The following PLA2G7 variants were observed in gnomAD, a reference collection of about 807,000 sequenced individuals.
PLA2G7 encodes platelet-activating factor acetylhydrolase.
PLA2G7 carries 63 observed loss-of-function variants against 49.6 expected under a neutral mutation model. That is an observed-to-expected ratio of 1.27 (90% CI 1.04 to 1.57). The LOEUF is 1.57. PLA2G7 is among the 40% of genes most tolerant of loss of function. The probability of loss-of-function intolerance (pLI) is 0.00; values close to 1 mark genes in which losing one functional copy is unlikely to be tolerated. For missense variants in PLA2G7, 596 were observed against 521.2 expected (o/e 1.14, Z -1.40); for synonymous variants, 193 against 169.9 (o/e 1.14, Z -1.06).
At chr6:46,734,710 C>T (rs1170134103) in intron 1 of PLA2G7, among the ~76,000 whole-genome samples, 1 of 151,894 alleles carries the variant, frequency 6.6e-6, no homozygotes, top group Non-Finnish European at 1.5e-5. Context: ...GCAGTCCCAG[C>T]TACTCGGGAA....
intron 1 of PLA2G7, among the ~76,000 whole-genome samples, chr6:46,731,439 A>AT (rs906572677): frequency 3.9e-5 from 6 of 151,988 alleles, no homozygotes; most frequent in Non-Finnish European, 8.8e-5. Context: ...TGTCCAAAAT[A>AT]TTTTTTTCCC....
chr6:46,732,744 C>T lies in PLA2G7; in HGVS notation c.-35+2436G>A, dbSNP rs370754314. ...GCCTGTTTCTGTTAGTGTTGAGTCA[C>T]GCCCATAAAATTGAGCAAAATGACA... On this transcript the variant is annotated intron_variant, in intron 1 of 11. Transcript: ENST00000274793. Among the ~76,000 whole-genome samples the T allele has an allele frequency of 1.1e-4, 17 of 152,232 alleles. No individual in the cohort carries two copies. In the East Asian group the frequency reaches 1.7e-3, roughly 16 times the overall value.
At position 46,704,563 on chromosome 6, in the gene PLA2G7, A is replaced by C. The variant is rs1764732661; in HGVS notation, c.1323T>G (p.Asn441Lys). Residue 441 changes from asparagine (N) to lysine (K), a missense_variant, in exon 12 of 12, where the codon AAT becomes AAG. Asn to Lys is a moderately conservative substitution (Grantham distance 94). Coordinates refer to ENST00000274793, the MANE Select transcript of PLA2G7 (RefSeq NM_005084.4). ...TTTTAAAAAACCTATTTTAATCCTA[A>C]TTGTATTTCTCTATTCCTGAAGAGT... ...LQNSSGIEKY[N>K] 6.3e-7 allele frequency: 1 copy of C among 1,579,426 alleles called. No individual in the cohort carries two copies. Among genetic ancestry groups the C allele is most frequent in the Non-Finnish European group, 8.7e-7 (1 of 1,150,304 alleles).
intron 2 of PLA2G7, among the ~76,000 whole-genome samples, chr6:46,722,076 A>G (rs1180033327): frequency 1.3e-5 from 2 of 152,152 alleles, no homozygotes; most frequent in African/African-American, 4.8e-5. Flanking sequence ...TCTTTTTCCA[A>G]TTAAGGTCTC....
rs759462784 is a variant in PLA2G7, at chr6:46,704,632, T to C, written c.1254A>G (p.Pro418=). Residue 418 remains proline (P), a synonymous_variant, in exon 12 of 12, where the codon CCA becomes CCG. Coordinates refer to ENST00000274793, the MANE Select transcript of PLA2G7 (RefSeq NM_005084.4). ...LIEGDDENLI[P]GTNINTTNQH... is the part of the protein sequence containing the mutation. ...GATTGGTTGTGTTAATGTTGGTCCC[T>C]GGAATAAGATTCTCATCATCTCCTT... The C allele has an allele frequency of 1.3e-6, 2 of 1,581,004 alleles. No homozygotes were observed. Among genetic ancestry groups the C allele is most frequent in the South Asian group, 2.2e-5 (2 of 90,484 alleles).
At chr6:46,707,875 T>C (rs941263930) in intron 10 of PLA2G7, 116 bp downstream of exon 10, 4 of 664,140 alleles carry the variant, frequency 6.0e-6, no homozygotes, top group African/African-American at 3.6e-5. Flanking sequence ...TCTCTCCTTA[T>C]TGAAAGTCTA....
chr6:46,716,629 G>T, intron 3 of PLA2G7, 101 bp from the exon 4 acceptor site: 1 of 1,215,306 alleles, frequency 8.2e-7, no homozygotes. Flanking sequence ...AAATACCTCT[G>T]TGTTCACAAA....
intron 11 of PLA2G7, 95 bp downstream of exon 11, chr6:46,705,058 T>G (rs1401793214): frequency 1.0e-6 from 1 of 953,064 alleles, no homozygotes; most frequent in Non-Finnish European, 1.7e-6. Flanking sequence ...GTAAACCAAC[T>G]GGAAATAGTT....
intron 2 of PLA2G7, among the ~76,000 whole-genome samples, chr6:46,722,486 G>T (rs1254629962): frequency 6.6e-6 from 1 of 152,132 alleles, no homozygotes; most frequent in Non-Finnish European, 1.5e-5. Context: ...AGAGAGAGAA[G>T]GGGTGGCATT....
intron 4 of PLA2G7, among the ~76,000 whole-genome samples, chr6:46,714,822 G>A (rs1033735525): frequency 6.8e-6 from 1 of 147,626 alleles, no homozygotes; most frequent in African/African-American, 2.5e-5. Context: ...TGCAAACTCT[G>A]CCTCCCGGGT....
intron 2 of PLA2G7, among the ~76,000 whole-genome samples, chr6:46,722,482 A>G (rs1765430378): frequency 6.6e-6 from 1 of 152,114 alleles, no homozygotes. Flanking sequence ...AGTCAGAGAG[A>G]GAAGGGGTGG....
Position 46,704,404 on chromosome 6 carries a change from T to G in PLA2G7, c.*156A>C. ...AATCACGATTACAGTATAGCCTACA[T>G]TTTAAAATATGAGTCCTTTGGGAAA... is the stretch of plus-strand genomic sequence containing the variant. On this transcript the variant is annotated 3_prime_UTR_variant, in exon 12 of 12. Transcript: ENST00000274793. The G allele has an allele frequency of 1.7e-5, 11 of 642,590 alleles. No homozygotes were observed. The highest frequency in any genetic ancestry group is 2.8e-5 in the East Asian group (1 of 35,558). The allele number at this position is 642,590 out of a possible 1,614,324, so 39.8% of individuals were successfully genotyped here. A position where few individuals can be genotyped will look rare whatever the true frequency, so the allele number is the denominator to read the frequency against.
chr6:46,717,748 T>C (rs1167359954), intron 2 of PLA2G7, among the ~76,000 whole-genome samples: 1 of 146,724 alleles, frequency 6.8e-6, no homozygotes, highest in East Asian at 2.1e-4. Context: ...AGTCTCACCG[T>C]GTTGCCAGGC....
chr6:46,712,190 A>G lies in PLA2G7; in HGVS notation c.539+79T>C, dbSNP rs909314322. 8 of 939,248 alleles carry G rather than the reference A, an allele frequency of 8.5e-6. No homozygotes were observed. In the African/African-American group the frequency reaches 9.7e-5, roughly 11 times the overall value. The allele number at this position is 939,248 out of a possible 1,614,324, so 58.2% of individuals were successfully genotyped here. ...CCATCAACATTTTAAATAAACTTTT[A>G]TGAAAATTAGAAACATAGTTATGAG... On this transcript the variant is annotated intron_variant, in intron 6 of 11. Transcript: ENST00000274793.
chr6:46,711,414 G>T, intron 7 of PLA2G7, 82 bp downstream of exon 7: 1 of 1,456,428 alleles, frequency 6.9e-7, no homozygotes, highest in Non-Finnish European at 9.6e-7. Flanking sequence ...TAACTTGCCA[G>T]GTGTAAAATT....
intron 1 of PLA2G7, among the ~76,000 whole-genome samples, chr6:46,723,635 T>C (rs1282793373): frequency 6.6e-6 from 1 of 152,210 alleles, no homozygotes. Context: ...TGCATCCATT[T>C]TCCCCCCTAA....
chr6:46,706,847 C>A (rs1764846782), intron 10 of PLA2G7, among the ~76,000 whole-genome samples: 2 of 152,162 alleles, frequency 1.3e-5, no homozygotes, highest in Admixed American at 1.3e-4. Context: ...CCTGAAATAC[C>A]TAAACCCTTC....
At chr6:46,720,486 G>C (rs1765359877) in intron 2 of PLA2G7, among the ~76,000 whole-genome samples, 1 of 152,306 alleles carries the variant, frequency 6.6e-6, no homozygotes, top group Non-Finnish European at 1.5e-5. Flanking sequence ...CCAGGTTTTG[G>C]TATAGGTCTA....
chr6:46,711,606 A>G lies in PLA2G7; in HGVS notation c.553T>C (p.Ser185Pro). Residue 185 changes from serine to proline, a missense_variant, in exon 7 of 12, where the codon TCT becomes CCT. Coordinates refer to ENST00000274793, the MANE Select transcript of PLA2G7 (RefSeq NM_005084.4). ...TGGTCCTTGAAATAGTAAGTTGCAG[A>G]TGCAGATCTATCTCTATAATACAAG... Reference protein sequence around the residue: ...AAVEHRDRSASATYYFKDQSA... With the variant: ...AAVEHRDRSAPATYYFKDQSA... 6.2e-7 allele frequency: 1 copy of G among 1,613,656 alleles called. No homozygotes were observed. The highest frequency in any genetic ancestry group is 8.5e-7 in the Non-Finnish European group (1 of 1,179,594).
Sources: gnomAD v4.1 joint callset for allele counts (sites outside exome capture counted in the v4.1 genomes callset) on GRCh38, gnomAD v4.1.1 for gene constraint, MANE v1.5 for transcripts, NCBI Gene and HGNC (gene_info 2026-07-23, HGNC 2026-07-21) for gene names.